Variants in KSR1 observed in about 807,000 individuals in gnomAD.
The protein encoded by KSR1 is kinase suppressor of ras 1, also known as kinase suppressor of ras.
A neutral mutation model predicts 92.9 loss-of-function variants in KSR1; 35 were observed. That is an observed-to-expected ratio of 0.38 (90% CI 0.29 to 0.50). KSR1 has a LOEUF of 0.50. Among genes scored for constraint, KSR1 ranks in the 20% least tolerant of loss-of-function variants. The pLI, the probability that KSR1 is intolerant of heterozygous loss-of-function variation, is 0.94. For missense variants in KSR1, 972 were observed against 1,158.5 expected (o/e 0.84, Z 2.34); for synonymous variants, 467 against 472.6 (o/e 0.99, Z 0.15).
At chr17:27,560,134 C>G (rs570005060) in intron 2 of KSR1, among the ~76,000 whole-genome samples, 3 of 152,314 alleles carry the variant, frequency 2.0e-5, no homozygotes, top group East Asian at 3.9e-4. Flanking sequence ...GGCCCTGCCC[C>G]GCTCCCAGTC....
At chr17:27,527,695 C>A (rs1237757285) in intron 1 of KSR1, among the ~76,000 whole-genome samples, 1 of 152,156 alleles carries the variant, frequency 6.6e-6, no homozygotes, top group Non-Finnish European at 1.5e-5. Flanking sequence ...CCCGGCCTGA[C>A]TTCTTGTTTG....
rs991160280 is a variant in KSR1, at chr17:27,592,596, T to G, written c.1269T>G (p.Phe423Leu). 1.2e-6 allele frequency: 2 copies of G among 1,613,838 alleles called. No homozygotes were observed. Among genetic ancestry groups the G allele is most frequent in the African/African-American group, 2.7e-5 (2 of 74,926 alleles). ...TGGACAGAGCAGCCGAACCCCATTT[T>G]GGAACCCTCCCCAAAGCACTGACAA... ...NPVDRAAEPH[F>L]GTLPKALTKK... Residue 423 changes from phenylalanine to leucine, a missense_variant, in exon 9 of 21, where the codon TTT (phenylalanine) becomes TTG (leucine). Physicochemically the swap from Phe to Leu is conservative, Grantham distance 22. Transcript: ENST00000644974.
At chr17:27,582,290 C>T (rs1480229284) in intron 3 of KSR1, among the ~76,000 whole-genome samples, 1 of 152,162 alleles carries the variant, frequency 6.6e-6, no homozygotes, top group Non-Finnish European at 1.5e-5. Context: ...TGCAGTATGC[C>T]TACCTGTTCA....
intron 1 of KSR1, among the ~76,000 whole-genome samples, chr17:27,470,858 T>C (rs1255157052): frequency 2.1e-5 from 3 of 143,860 alleles, no homozygotes; most frequent in Non-Finnish European, 4.5e-5. Context: ...CTTCTGTGCA[T>C]TCATTCAGTG....
chr17:27,477,096 A>G (rs2068369689), intron 1 of KSR1, among the ~76,000 whole-genome samples: 1 of 152,192 alleles, frequency 6.6e-6, no homozygotes, highest in South Asian at 2.1e-4. Flanking sequence ...GCCATGGTAT[A>G]TGTAAAGTGT....
intron 1 of KSR1, among the ~76,000 whole-genome samples, chr17:27,512,079 C>T (rs1597915905): frequency 6.6e-6 from 1 of 152,236 alleles, no homozygotes; most frequent in South Asian, 2.1e-4. Context: ...CTTATCCCCT[C>T]ATCAAGGTCC....
chr17:27,601,896 C>T (rs1270574498), intron 11 of KSR1: 1 of 1,608,340 alleles, frequency 6.2e-7, no homozygotes, highest in African/African-American at 1.3e-5. Context: ...CACACAGTGC[C>T]ATCTGCTGGC....
chr17:27,581,485 G>A (rs757854432), intron 3 of KSR1, among the ~76,000 whole-genome samples: 9 of 152,012 alleles, frequency 5.9e-5, no homozygotes, highest in Non-Finnish European at 8.8e-5. Flanking sequence ...AGAAGGTGCC[G>A]TATGCCCTTA....
chr17:27,458,760 C>T (rs1175993943), intron 1 of KSR1, among the ~76,000 whole-genome samples: 1 of 152,112 alleles, frequency 6.6e-6, no homozygotes. Flanking sequence ...AAAGGCAGGG[C>T]CTGGGTTGTT....
At chr17:27,565,736 T>C (rs1048668373) in intron 2 of KSR1, among the ~76,000 whole-genome samples, 1 of 152,252 alleles carries the variant, frequency 6.6e-6, no homozygotes, top group African/African-American at 2.4e-5. Context: ...CTAATTATTA[T>C]TTTAAAACAG....
At chr17:27,581,308 A>G (rs1251982238) in intron 3 of KSR1, among the ~76,000 whole-genome samples, 1 of 152,098 alleles carries the variant, frequency 6.6e-6, no homozygotes, top group Non-Finnish European at 1.5e-5. Context: ...ACCAGCCCCC[A>G]CCTCCAACAT....
At chr17:27,592,938 A>G (rs1335271980) in intron 9 of KSR1, among the ~76,000 whole-genome samples, 1 of 152,190 alleles carries the variant, frequency 6.6e-6, no homozygotes, top group Non-Finnish European at 1.5e-5. Context: ...GTACATATGG[A>G]TCCATTTCAC....
chr17:27,491,234 C>T (rs1182582544), intron 1 of KSR1, among the ~76,000 whole-genome samples: 1 of 151,756 alleles, frequency 6.6e-6, no homozygotes, highest in Non-Finnish European at 1.5e-5. Flanking sequence ...AAGTGATCCT[C>T]TGGCCTTGGT....
intron 1 of KSR1, among the ~76,000 whole-genome samples, chr17:27,460,851 T>A (rs1447077142): frequency 6.6e-6 from 1 of 152,192 alleles, no homozygotes; most frequent in African/African-American, 2.4e-5. Flanking sequence ...AGACCTTTAG[T>A]TACTGTTGAT....
rs377036019 is a variant in KSR1 at position 27,577,801 on chromosome 17, C to CA, written c.520+163dup. 90 of 713,458 alleles carry CA rather than the reference C, an allele frequency of 1.3e-4. No individual in the cohort carries two copies. The highest frequency in any genetic ancestry group is 1.2e-3 in the African/African-American group (70 of 57,588). 44.2% of individuals were successfully genotyped at this position (713,458 alleles called of 1,614,324 possible). A position where few individuals can be genotyped will look rare whatever the true frequency, so the allele number is the denominator to read the frequency against. ...TTCACAGCCTCCTGAGAAGCTCTCCCAGGGTCCTCAGGGCTCTGGATCCTG... is the reference window on the plus strand; with the variant it reads ...TTCACAGCCTCCTGAGAAGCTCTCCCAAGGGTCCTCAGGGCTCTGGATCCTG... On this transcript the variant is annotated intron_variant, in intron 3 of 20. Transcript: ENST00000644974. The surrounding 1 kb of genome is among the most constrained non-coding windows in gnomAD (Gnocchi z 4.5).
In KSR1 at chr17:27,456,749, C is replaced by G. The variant is rs748619088; in HGVS notation, c.106C>G (p.Arg36Gly). ...GGGAGGCGCAGGGGCCGCGGCCAGC[C>G]GGGCGCTGCAGCAGTGCGGGCAGCT... ...AEGGAGAAASRALQQCGQLQK... is the reference protein window; with the variant it reads ...AEGGAGAAASGALQQCGQLQK... The change falls in exon 1 of 21, where the codon CGG becomes GGG. Residue 36 changes from arginine (R) to glycine (G), a missense_variant. This residue lies in a region of KSR1 where 19 missense variants were observed against 60.3 expected (regional missense o/e 0.32). Transcript: ENST00000644974. The G allele has an allele frequency of 1.7e-5, 26 of 1,512,284 alleles. No homozygotes were observed. In the Admixed American group the frequency reaches 2.0e-4, roughly 12 times the overall value. The allele number at this position is 1,512,284 out of a possible 1,614,324, so 93.7% of individuals were successfully genotyped here.
intron 1 of KSR1, among the ~76,000 whole-genome samples, chr17:27,483,055 C>T (rs2068555784): frequency 6.6e-6 from 1 of 152,110 alleles, no homozygotes; most frequent in African/African-American, 2.4e-5. Flanking sequence ...TTGCGCAGGC[C>T]TTGTCCCTGG....
At chr17:27,579,478 C>T (rs1249201205) in intron 3 of KSR1, 1 of 152,184 alleles carries the variant, frequency 6.6e-6, no homozygotes, top group African/African-American at 2.4e-5. Context: ...ACGTAAAGTC[C>T]TTAGATCAGA....
rs1335118232 is a variant in KSR1 at position 27,577,822 on chromosome 17, TC to T, written c.520+185del. On this transcript the variant is annotated intron_variant, in intron 3 of 20. Coordinates refer to ENST00000644974, the MANE Select transcript of KSR1 (RefSeq NM_001394583.1). This position sits in a 1 kb window ranked among gnomAD's most constrained non-coding sequence, Gnocchi z 4.5. ...CTCCCAGGGTCCTCAGGGCTCTGGA[TC>T]CTGGTGGGTCTGGCCAGGCCGAATC... 1 of 704,378 alleles carries T rather than the reference TC, an allele frequency of 1.4e-6. No individual in the cohort carries two copies. The highest frequency in any genetic ancestry group is 2.6e-6 in the Non-Finnish European group (1 of 387,988). The allele number at this position is 704,378 out of a possible 1,614,324, so 43.6% of individuals were successfully genotyped here. A position where few individuals can be genotyped will look rare whatever the true frequency, so the allele number is the denominator to read the frequency against.
Sources: gnomAD v4.1 joint callset for allele counts (sites outside exome capture counted in the v4.1 genomes callset) on GRCh38, gnomAD v4.1.1 for gene constraint, gnomAD v4.1.1 regional missense constraint, Gnocchi (gnomAD v3.1) non-coding constraint, MANE v1.5 for transcripts, NCBI Gene and HGNC (gene_info 2026-07-23, HGNC 2026-07-21) for gene names.